APBB2: variants seen among roughly 807,000 people sequenced by gnomAD.
The protein encoded by APBB2 is Fe65-like 1.
APBB2 carries 38 observed loss-of-function variants against 82.5 expected under a neutral mutation model. That is an observed-to-expected ratio of 0.46 (90% CI 0.36 to 0.60). APBB2 has a LOEUF of 0.60. Among genes scored for constraint, APBB2 ranks in the 20% least tolerant of loss-of-function variants. The pLI is 0.00. For synonymous variants in APBB2, 341 were observed against 368.2 expected, an observed-to-expected ratio of 0.93 and a Z score of 0.85; for missense variants, 772 against 972.3, an observed-to-expected ratio of 0.79 and a Z score of 2.74.
At chr4:40,961,669 A>AAAAAAAAAAAAAAAAAAAAAAAAAAAAAG (rs1793300652) in intron 6 of APBB2, among the ~76,000 whole-genome samples, 1 of 1,880 alleles carries the variant, frequency 5.3e-4, no homozygotes, top group Admixed American at 7.9e-3. Context: ...AAAAGATGTA[A>AAAAAAAAAAAAAAAAAAAAAAAAAAAAAG]AAAAAAAAAA....
chr4:41,099,273 G>A (rs949125000), intron 3 of APBB2, among the ~76,000 whole-genome samples: 4 of 152,076 alleles, frequency 2.6e-5, no homozygotes, highest in Non-Finnish European at 4.4e-5. Flanking sequence ...TTGTTGCCCA[G>A]GCTGGAGTGC....
intron 2 of APBB2, among the ~76,000 whole-genome samples, chr4:41,122,783 T>C (rs1753243582): frequency 6.6e-6 from 1 of 152,232 alleles, no homozygotes; most frequent in Non-Finnish European, 1.5e-5. Context: ...GTTAGTTCTT[T>C]GCTCAAAGCC....
At chr4:40,948,532 G>A (rs1480444135) in intron 6 of APBB2, among the ~76,000 whole-genome samples, 1 of 151,634 alleles carries the variant, frequency 6.6e-6, no homozygotes, top group East Asian at 1.9e-4. Context: ...AGGCCGAGGC[G>A]GGCAGATCAC....
At chr4:41,197,547 T>C in intron 1 of APBB2, among the ~76,000 whole-genome samples, 1 of 152,188 alleles carries the variant, frequency 6.6e-6, no homozygotes, top group Non-Finnish European at 1.5e-5. Flanking sequence ...CAACAGTAAC[T>C]GGCAGAATTT....
chr4:40,909,292 C>T (rs369639290), intron 10 of APBB2, among the ~76,000 whole-genome samples: 33 of 152,276 alleles, frequency 2.2e-4, no homozygotes, highest in Middle Eastern at 3.4e-3. Context: ...TATTAATTTA[C>T]GGAGAGAAAC....
intron 6 of APBB2, among the ~76,000 whole-genome samples, chr4:40,991,258 C>T (rs1479311504): frequency 7.0e-6 from 1 of 143,008 alleles, no homozygotes; most frequent in African/African-American, 2.6e-5. Context: ...CTCAAGAAAT[C>T]TGCCTGCCTT....
At position 40,813,421 on chromosome 4, in the gene APBB2, C is replaced by A. The variant is rs1450609980; in HGVS notation, c.*2671G>T. Reference sequence around the variant, plus strand: ...ACAGATCTAAAGAATGCATAGATAACTGAAGTGTCACTAAGATATCAGGTA... The same window carrying A: ...ACAGATCTAAAGAATGCATAGATAAATGAAGTGTCACTAAGATATCAGGTA... On this transcript the variant is annotated 3_prime_UTR_variant, in exon 18 of 18. Transcript: ENST00000508593. The A allele has an allele frequency of 6.6e-6, 1 of 152,156 alleles. No individual in the cohort carries two copies. Among genetic ancestry groups the A allele is most frequent in the Non-Finnish European group, 1.5e-5 (1 of 68,030 alleles). The allele number at this position is 152,156 out of a possible 1,614,324, so 9.4% of individuals were successfully genotyped here.
At chr4:40,906,710 A>G (rs77411534) in intron 10 of APBB2, among the ~76,000 whole-genome samples, 3,333 of 152,174 alleles carry the variant, frequency 0.022, 117 homozygotes, top group African/African-American at 0.076. Flanking sequence ...GTCCATACAA[A>G]ACATTGGAAA....
At chr4:41,155,706 T>TAG (rs1245798454) in intron 1 of APBB2, among the ~76,000 whole-genome samples, 1 of 152,174 alleles carries the variant, frequency 6.6e-6, no homozygotes, top group Non-Finnish European at 1.5e-5. Context: ...CCTAAACTCT[T>TAG]GCCTAATAAA....
intron 6 of APBB2, among the ~76,000 whole-genome samples, chr4:40,979,638 A>G (rs1392336028): frequency 6.6e-6 from 1 of 152,226 alleles, no homozygotes; most frequent in Non-Finnish European, 1.5e-5. Flanking sequence ...GTAAACTGCC[A>G]TGTACAAAAG....
At chr4:40,990,947 G>A (rs538225316) in intron 6 of APBB2, among the ~76,000 whole-genome samples, 3 of 151,510 alleles carry the variant, frequency 2.0e-5, no homozygotes, top group Admixed American at 6.6e-5. Flanking sequence ...GGGGTTGGGG[G>A]CAGGGAGGGG....
intron 10 of APBB2, among the ~76,000 whole-genome samples, chr4:40,905,263 A>C (rs989414609): frequency 1.3e-5 from 2 of 152,046 alleles, no homozygotes; most frequent in African/African-American, 4.8e-5. Context: ...AGCCTGGGTC[A>C]CCTCTGTCTC....
intron 4 of APBB2, among the ~76,000 whole-genome samples, chr4:41,055,255 AG>A (rs1364154373): frequency 6.6e-6 from 1 of 152,188 alleles, no homozygotes; most frequent in Non-Finnish European, 1.5e-5. Flanking sequence ...GGCCGTGACC[AG>A]TATCCCTCCA....
chr4:40,903,089 G>C (rs776451155), intron 10 of APBB2, among the ~76,000 whole-genome samples: 7 of 152,174 alleles, frequency 4.6e-5, no homozygotes, highest in African/African-American at 7.2e-5. Context: ...GCTGCAGTGA[G>C]CTAGGATCAA....
intron 12 of APBB2, chr4:40,842,365 G>A (rs1436982347): frequency 4.4e-6 from 2 of 455,392 alleles, no homozygotes; most frequent in Non-Finnish European, 8.8e-6. Flanking sequence ...AAATCGGCCG[G>A]TTACCTCTCT....
intron 2 of APBB2, among the ~76,000 whole-genome samples, chr4:41,142,199 G>A (rs6834184): frequency 3.9e-5 from 6 of 152,196 alleles, no homozygotes; most frequent in Non-Finnish European, 8.8e-5. Flanking sequence ...TGCTTATGTA[G>A]AAAGCTGACT....
At chr4:41,016,596 A>G (rs1411609761) in intron 5 of APBB2, among the ~76,000 whole-genome samples, 1 of 152,144 alleles carries the variant, frequency 6.6e-6, no homozygotes, top group African/African-American at 2.4e-5. Context: ...GGTTGCAGTG[A>G]GACGAGATCG....
intron 2 of APBB2, among the ~76,000 whole-genome samples, chr4:41,134,406 C>T (rs1334544156): frequency 2.0e-5 from 3 of 152,084 alleles, no homozygotes; most frequent in Admixed American, 2.0e-4. Flanking sequence ...GGTGAAACCC[C>T]ATCTCTACTA....
At chr4:40,877,904 C>T (rs927880164) in intron 12 of APBB2, among the ~76,000 whole-genome samples, 3 of 152,220 alleles carry the variant, frequency 2.0e-5, no homozygotes, top group African/African-American at 7.2e-5. Flanking sequence ...GCTCAGGGTA[C>T]AGGGCATGGG....
Sources: gnomAD v4.1 joint callset for allele counts (sites outside exome capture counted in the v4.1 genomes callset) on GRCh38, gnomAD v4.1.1 for gene constraint, MANE v1.5 for transcripts, NCBI Gene and HGNC (gene_info 2026-07-23, HGNC 2026-07-21) for gene names.